The following CHODL variants were observed in gnomAD, a reference collection of about 807,000 sequenced individuals.
The protein encoded by CHODL is transmembrane protein MT75.
Under a neutral mutation model 34.5 loss-of-function variants are expected in CHODL, and 29 were observed. The observed-to-expected ratio is 0.84, with a 90% CI of 0.63 to 1.15. CHODL has a LOEUF of 1.15. Ranked by LOEUF, CHODL falls within the 50% of genes most tolerant of loss-of-function variation. The pLI is 0.00. For missense variants in CHODL, 332 were observed against 332.5 expected (o/e 1.00, Z 0.01); for synonymous variants, 125 against 116.1 (o/e 1.08, Z -0.49).
At chr21:18,092,316 C>T (rs570752633) in intron 2 of CHODL, among the ~76,000 whole-genome samples, 50 of 152,290 alleles carry the variant, frequency 3.3e-4, no homozygotes, top group African/African-American at 1.2e-3. Context: ...AGGCTTGGGG[C>T]CTAAGTCCCC....
At chr21:18,221,977 G>A (rs999795610) in intron 2 of CHODL, among the ~76,000 whole-genome samples, 3 of 152,188 alleles carry the variant, frequency 2.0e-5, no homozygotes, top group Non-Finnish European at 4.4e-5. Context: ...TTGGCAGTGG[G>A]GGAGTGGGGT....
At chr21:17,931,320 A>G (rs1489812525) in intron 1 of CHODL, among the ~76,000 whole-genome samples, 1 of 152,238 alleles carries the variant, frequency 6.6e-6, no homozygotes, top group Non-Finnish European at 1.5e-5. Context: ...AAACATGCTA[A>G]CAAGAAGTAC....
chr21:18,195,410 T>A (rs922153740), intron 2 of CHODL, among the ~76,000 whole-genome samples: 4 of 152,102 alleles, frequency 2.6e-5, no homozygotes, highest in African/African-American at 7.2e-5. Context: ...CCTGAACTCA[T>A]TTCTCCTTTC....
intron 1 of CHODL, among the ~76,000 whole-genome samples, chr21:17,961,894 T>C (rs547503721): frequency 4.6e-5 from 7 of 152,296 alleles, no homozygotes; most frequent in African/African-American, 1.4e-4. Context: ...GGGTCTAGTA[T>C]TTGCTACCCT....
chr21:18,160,569 A>G (rs2073084834), intron 2 of CHODL, among the ~76,000 whole-genome samples: 1 of 152,126 alleles, frequency 6.6e-6, no homozygotes, highest in African/African-American at 2.4e-5. Context: ...GTCCACGTAT[A>G]AGTAAGAACA....
At chr21:17,938,266 A>G (rs1202729803) in intron 1 of CHODL, among the ~76,000 whole-genome samples, 1 of 152,014 alleles carries the variant, frequency 6.6e-6, no homozygotes, top group East Asian at 1.9e-4. Flanking sequence ...CTTAAATGTT[A>G]ATGATGATTG....
chr21:18,125,844 G>A (rs2065537083), intron 2 of CHODL, among the ~76,000 whole-genome samples: 2 of 152,150 alleles, frequency 1.3e-5, no homozygotes, highest in African/African-American at 4.8e-5. Context: ...TTGGTGAGGA[G>A]AATATTATGT....
intron 2 of CHODL, among the ~76,000 whole-genome samples, chr21:18,160,379 TTTGTTA>T (rs1238965861): frequency 6.6e-6 from 1 of 152,148 alleles, no homozygotes; most frequent in Non-Finnish European, 1.5e-5. Flanking sequence ...CAAGTGCAGG[TTTGTTA>T]CATAGGTAAA....
At chr21:17,921,916 G>A (rs1427306178) in intron 1 of CHODL, among the ~76,000 whole-genome samples, 1 of 152,170 alleles carries the variant, frequency 6.6e-6, no homozygotes, top group Non-Finnish European at 1.5e-5. Flanking sequence ...AATTATCTCA[G>A]TGAACACTCC....
chr21:18,002,005 T>G (rs157756), intron 1 of CHODL, among the ~76,000 whole-genome samples: 23,010 of 152,160 alleles, frequency 0.15, 1,867 homozygotes, highest in South Asian at 0.29. Context: ...GGGCCACATA[T>G]CTAATCAGCT....
chr21:18,254,866 T>C lies in CHODL; in HGVS notation c.80-1643T>C, dbSNP rs556436722. 1.1e-3 allele frequency among the ~76,000 whole-genome samples: 161 copies of C among 152,254 alleles called. 1 individual carries two copies. Among genetic ancestry groups the C allele is most frequent in the Non-Finnish European group, 1.8e-3 (125 of 68,002 alleles). On this transcript the variant is annotated intron_variant, in intron 1 of 5. Coordinates refer to ENST00000299295, the MANE Select transcript of CHODL (RefSeq NM_024944.3). ...ATGTAGAGGTATGCGAAATTTAATT[T>C]TGAGATTTTTTTTTCAAACTCTTTT...
chr21:18,047,217 A>T (rs157741), intron 2 of CHODL, among the ~76,000 whole-genome samples: 22,271 of 151,806 alleles, frequency 0.15, 3,794 homozygotes, highest in African/African-American at 0.42. Flanking sequence ...GAAAGTATAT[A>T]TTTTTTCCCT....
At chr21:18,136,715 A>G (rs1343502289) in intron 2 of CHODL, among the ~76,000 whole-genome samples, 1 of 102,236 alleles carries the variant, frequency 9.8e-6, no homozygotes, top group Non-Finnish European at 2.0e-5. Context: ...AAGGTAAATC[A>G]AAGCATATAT....
intron 1 of CHODL, among the ~76,000 whole-genome samples, chr21:18,015,361 C>T (rs937364870): frequency 6.6e-5 from 10 of 152,146 alleles, no homozygotes; most frequent in African/African-American, 2.4e-4. Context: ...TTGCCTTCCA[C>T]CATGATCGTA....
intron 2 of CHODL, among the ~76,000 whole-genome samples, chr21:18,173,195 G>C (rs2073252668): frequency 1.3e-5 from 2 of 152,136 alleles, no homozygotes; most frequent in Non-Finnish European, 2.9e-5. Flanking sequence ...CAATTGATTA[G>C]AGACTTTAAT....
intron 1 of CHODL, among the ~76,000 whole-genome samples, chr21:18,253,305 A>C (rs1156460830): frequency 6.6e-6 from 1 of 151,102 alleles, no homozygotes; most frequent in Admixed American, 6.6e-5. Context: ...AGGTCTGGCT[A>C]TTCTGTTTTG....
At chr21:18,155,815 T>C (rs2073027297) in intron 2 of CHODL, among the ~76,000 whole-genome samples, 1 of 152,214 alleles carries the variant, frequency 6.6e-6, no homozygotes, top group Non-Finnish European at 1.5e-5. Flanking sequence ...GTGAGGAGGC[T>C]ACTGATTTAA....
intron 1 of CHODL, among the ~76,000 whole-genome samples, chr21:18,021,265 G>C (rs1027254707): frequency 3.3e-5 from 5 of 152,164 alleles, no homozygotes; most frequent in Non-Finnish European, 7.4e-5. Context: ...CAGCAGCCAG[G>C]GTAGTAAAGG....
intron 2 of CHODL, among the ~76,000 whole-genome samples, chr21:18,058,105 C>T (rs1354929032): frequency 6.6e-6 from 1 of 151,882 alleles, no homozygotes; most frequent in African/African-American, 2.4e-5. Flanking sequence ...TATTCATTAC[C>T]CAACTTCTCA....
Sources: gnomAD v4.1 joint callset for allele counts (sites outside exome capture counted in the v4.1 genomes callset) on GRCh38, gnomAD v4.1.1 for gene constraint, MANE v1.5 for transcripts, NCBI Gene and HGNC (gene_info 2026-07-23, HGNC 2026-07-21) for gene names.